SORCS2: variants seen among roughly 807,000 people sequenced by gnomAD.
SORCS2 encodes sortilin related VPS10 domain containing receptor 2, also known as VPS10 domain-containing receptor SorCS2.
A neutral mutation model predicts 141.6 loss-of-function variants in SORCS2; 100 were observed. That is an observed-to-expected ratio of 0.71 (90% CI 0.60 to 0.83). The LOEUF (loss-of-function observed/expected upper bound fraction) is 0.83, where lower values mean the gene tolerates loss of function less well. Ranked by LOEUF, SORCS2 falls within the 40% of genes least tolerant of loss-of-function variation. The pLI is 0.00. For synonymous variants in SORCS2, 789 were observed against 676.9 expected (o/e 1.17, Z -2.57); for missense variants, 1,646 against 1,560.2 (o/e 1.05, Z -0.93).
intron 11 of SORCS2, 116 bp from the exon 12 acceptor site, chr4:7,697,082 T>G: frequency 1.3e-6 from 1 of 786,370 alleles, no homozygotes; most frequent in East Asian, 2.8e-5. Context: ...CTGTGGGGGA[T>G]ATGGAGACCC....
At chr4:7,685,284 G>A (rs535432030) in intron 10 of SORCS2, among the ~76,000 whole-genome samples, 25 of 152,314 alleles carry the variant, frequency 1.6e-4, no homozygotes, top group South Asian at 1.2e-3. Flanking sequence ...ACTGGTGAGC[G>A]TGTGGCCTCA....
intron 3 of SORCS2, among the ~76,000 whole-genome samples, chr4:7,620,836 G>A (rs1404599245): frequency 2.0e-5 from 3 of 152,190 alleles, no homozygotes; most frequent in South Asian, 4.1e-4. Context: ...CTGCACTCAG[G>A]GCATTGTCTC....
intron 3 of SORCS2, among the ~76,000 whole-genome samples, chr4:7,563,349 T>G (rs1714739459): frequency 6.6e-6 from 1 of 152,180 alleles, no homozygotes; most frequent in Admixed American, 6.5e-5. Flanking sequence ...ACTTCATCCT[T>G]CATTTCCATT....
intron 1 of SORCS2, among the ~76,000 whole-genome samples, chr4:7,358,594 A>C (rs1392516118): frequency 6.6e-6 from 1 of 152,114 alleles, no homozygotes; most frequent in Non-Finnish European, 1.5e-5. Flanking sequence ...CCTTTGACCC[A>C]CCATGCATGA....
chr4:7,623,199 AGAGACACTG>A (rs1719316120), intron 3 of SORCS2, among the ~76,000 whole-genome samples: 2 of 152,230 alleles, frequency 1.3e-5, no homozygotes, highest in South Asian at 4.2e-4. Flanking sequence ...AGTGACACTC[AGAGACACTG>A]ATGCCCCACC....
intron 1 of SORCS2, among the ~76,000 whole-genome samples, chr4:7,341,310 G>T (rs1181782796): frequency 1.3e-5 from 2 of 152,180 alleles, no homozygotes; most frequent in Admixed American, 6.5e-5. Flanking sequence ...GTGCCCTTCT[G>T]CCTTGGCCTG....
At chr4:7,624,339 T>C (rs1719390898) in intron 3 of SORCS2, among the ~76,000 whole-genome samples, 1 of 152,228 alleles carries the variant, frequency 6.6e-6, no homozygotes, top group Non-Finnish European at 1.5e-5. Flanking sequence ...ACCATGACCT[T>C]GGCCATTCAA....
intron 2 of SORCS2, among the ~76,000 whole-genome samples, chr4:7,496,586 A>G (rs1301630159): frequency 1.3e-5 from 2 of 151,424 alleles, no homozygotes; most frequent in Non-Finnish European, 2.9e-5. Flanking sequence ...ATGTGTTTTC[A>G]AGGGATTAGT....
At chr4:7,304,602 T>C (rs1000591358) in intron 1 of SORCS2, among the ~76,000 whole-genome samples, 1 of 152,198 alleles carries the variant, frequency 6.6e-6, no homozygotes, top group Non-Finnish European at 1.5e-5. Context: ...AGTAAACCTG[T>C]GTCCCTTCTT....
At chr4:7,496,427 G>GCCCCCCCCCCC (rs1166086025) in intron 2 of SORCS2, among the ~76,000 whole-genome samples, 1 of 35,738 alleles carries the variant, frequency 2.8e-5, no homozygotes, top group African/African-American at 6.7e-5. Context: ...AGCTACTGGA[G>GCCCCCCCCCCC]CCCCCCCCCC....
chr4:7,288,494 C>T (rs1716377822), intron 1 of SORCS2, among the ~76,000 whole-genome samples: 1 of 139,040 alleles, frequency 7.2e-6, no homozygotes, highest in South Asian at 2.3e-4. Flanking sequence ...GAACTGGCGT[C>T]TGGTGAGGAC....
chr4:7,403,961 G>GTATATATATATATATATATA (rs71635960), intron 2 of SORCS2, among the ~76,000 whole-genome samples: 32 of 29,792 alleles, frequency 1.1e-3, no homozygotes, highest in South Asian at 2.9e-3. Context: ...CTCCATGTGT[G>GTATATATATATATATATATA]TATATATATA....
chr4:7,603,302 G>C (rs1427066300), intron 3 of SORCS2, among the ~76,000 whole-genome samples: 2 of 151,950 alleles, frequency 1.3e-5, no homozygotes, highest in Admixed American at 6.6e-5. Flanking sequence ...CTTGCATGCA[G>C]ATATCTTTCT....
At chr4:7,200,972 C>T (rs1420644647) in intron 1 of SORCS2, among the ~76,000 whole-genome samples, 1 of 152,232 alleles carries the variant, frequency 6.6e-6, no homozygotes, top group Non-Finnish European at 1.5e-5. Context: ...TACCGAGCTT[C>T]TCTGTGTGCC....
chr4:7,635,051 G>A (rs1211586952), intron 3 of SORCS2, among the ~76,000 whole-genome samples: 6 of 152,218 alleles, frequency 3.9e-5, no homozygotes, highest in Admixed American at 3.9e-4. Context: ...AGGAAATACT[G>A]GTGGAAGCTG....
chr4:7,584,687 A>G (rs76284770), intron 3 of SORCS2, among the ~76,000 whole-genome samples: 10,292 of 152,268 alleles, frequency 0.068, 442 homozygotes, highest in East Asian at 0.16. Context: ...CGCAGAGCCT[A>G]AACCACAGCG....
chr4:7,684,860 G>A (rs932708042), intron 10 of SORCS2, among the ~76,000 whole-genome samples: 3 of 152,236 alleles, frequency 2.0e-5, no homozygotes, highest in African/African-American at 7.2e-5. Flanking sequence ...TGGAGGCCGT[G>A]GTACTAAGAG....
chr4:7,727,222 C>T (rs780310056), intron 21 of SORCS2, among the ~76,000 whole-genome samples: 1 of 152,236 alleles, frequency 6.6e-6, no homozygotes, highest in Non-Finnish European at 1.5e-5. Flanking sequence ...ACTGGCTGTG[C>T]CTGCCTCCAG....
chr4:7,539,232 G>A (rs1712373514), intron 3 of SORCS2, among the ~76,000 whole-genome samples: 1 of 152,172 alleles, frequency 6.6e-6, no homozygotes, highest in Non-Finnish European at 1.5e-5. Flanking sequence ...GAGGAAACCT[G>A]AGGGATGGGG....
Sources: gnomAD v4.1 joint callset for allele counts (sites outside exome capture counted in the v4.1 genomes callset) on GRCh38, gnomAD v4.1.1 for gene constraint, MANE v1.5 for transcripts, NCBI Gene and HGNC (gene_info 2026-07-23, HGNC 2026-07-21) for gene names.